CCNY: variants seen among roughly 807,000 people sequenced by gnomAD.
CCNY encodes the protein cyclin Y.
A neutral mutation model predicts 42.8 loss-of-function variants in CCNY; 19 were observed. The observed-to-expected ratio is 0.44, with a 90% CI of 0.31 to 0.65. The LOEUF (loss-of-function observed/expected upper bound fraction) is 0.65, where lower values mean the gene tolerates loss of function less well. CCNY is among the 30% of genes least tolerant of loss of function. The pLI is 0.07. For synonymous variants in CCNY, 165 were observed against 162.7 expected, an observed-to-expected ratio of 1.01 and a Z score of -0.11; for missense variants, 370 against 437.3, an observed-to-expected ratio of 0.85 and a Z score of 1.37.
intron 1 of CCNY, among the ~76,000 whole-genome samples, chr10:35,353,930 A>G (rs1328345058): frequency 6.6e-6 from 1 of 152,334 alleles, no homozygotes; most frequent in Non-Finnish European, 1.5e-5. Context: ...CCTCTGGCTC[A>G]GGGTGTCTCC....
At chr10:35,396,391 G>A (rs1252792291) in intron 1 of CCNY, among the ~76,000 whole-genome samples, 1 of 152,184 alleles carries the variant, frequency 6.6e-6, no homozygotes, top group African/African-American at 2.4e-5. Flanking sequence ...TGAGTTGTAA[G>A]AGGCAGGTGC....
At chr10:35,539,515 G>T (rs946975645) in intron 7 of CCNY, among the ~76,000 whole-genome samples, 1 of 152,184 alleles carries the variant, frequency 6.6e-6, no homozygotes, top group African/African-American at 2.4e-5. Context: ...GGGGCAGGGT[G>T]CAGTGGCTCA....
At chr10:35,392,803 T>C (rs962030675) in intron 1 of CCNY, among the ~76,000 whole-genome samples, 2 of 152,174 alleles carry the variant, frequency 1.3e-5, no homozygotes, top group Non-Finnish European at 2.9e-5. Context: ...AGGAGGACTT[T>C]AGTTGTGGCC....
At chr10:35,552,082 C>T (rs538798641) in intron 7 of CCNY, among the ~76,000 whole-genome samples, 120 of 152,162 alleles carry the variant, frequency 7.9e-4, no homozygotes, top group South Asian at 6.6e-3. Context: ...GTGTTCATAG[C>T]TGCATTGTTC....
intron 3 of CCNY, chr10:35,327,658 C>T (rs1835895713): frequency 6.6e-6 from 1 of 152,202 alleles, no homozygotes; most frequent in Non-Finnish European, 1.5e-5. Flanking sequence ...AACCTAAATC[C>T]TGTTCCTCTC....
chr10:35,405,575 A>G (rs953133830), intron 1 of CCNY, among the ~76,000 whole-genome samples: 3 of 152,180 alleles, frequency 2.0e-5, no homozygotes, highest in African/African-American at 7.2e-5. Context: ...GGGAGTTTTA[A>G]GGGGTTTAGA....
intron 1 of CCNY, among the ~76,000 whole-genome samples, chr10:35,423,565 G>A (rs924947927): frequency 6.6e-6 from 1 of 151,814 alleles, no homozygotes; most frequent in Non-Finnish European, 1.5e-5. Flanking sequence ...TAAGCAGCAG[G>A]TTATTTTGGT....
At chr10:35,446,298 G>A (rs1357842362) in intron 1 of CCNY, among the ~76,000 whole-genome samples, 1 of 152,202 alleles carries the variant, frequency 6.6e-6, no homozygotes, top group Non-Finnish European at 1.5e-5. Flanking sequence ...ACAGGTCAGT[G>A]AGGTTCAAAA....
chr10:35,507,973 G>C (rs1296985767), intron 3 of CCNY, among the ~76,000 whole-genome samples: 2 of 151,968 alleles, frequency 1.3e-5, no homozygotes, highest in African/African-American at 4.8e-5. Context: ...TTTGATTACC[G>C]GGCAAGGTGC....
At chr10:35,564,878 A>G (rs1841537427) in intron 8 of CCNY, among the ~76,000 whole-genome samples, 1 of 152,226 alleles carries the variant, frequency 6.6e-6, no homozygotes, top group East Asian at 1.9e-4. Flanking sequence ...CAGATGTTGC[A>G]CTTCCTGACT....
intron 1 of CCNY, among the ~76,000 whole-genome samples, chr10:35,401,568 A>AT (rs540638740): frequency 1.3e-3 from 183 of 137,718 alleles, no homozygotes; most frequent in Middle Eastern, 3.8e-3. Context: ...CTCCCTCTGA[A>AT]TTTTTTTTTT....
chr10:35,481,746 A>G (rs1379742810), intron 1 of CCNY, among the ~76,000 whole-genome samples: 1 of 152,168 alleles, frequency 6.6e-6, no homozygotes, highest in Non-Finnish European at 1.5e-5. Context: ...ATTTGCCCTC[A>G]TTTTGATATG....
In CCNY at chr10:35,517,714, C is replaced by G. The variant is rs1840458722; in HGVS notation, c.365+1091C>G. The stretch of plus-strand genomic sequence containing the variant: ...ATCTAAGTGGCAATGCAGCCTCTTC[C>G]TTACTTCCTCAGCACCGGAGTGCAC... On this transcript the variant is annotated intron_variant, in intron 4 of 9. Coordinates refer to ENST00000374704, the MANE Select transcript of CCNY (RefSeq NM_145012.6). 2.0e-5 allele frequency among the ~76,000 whole-genome samples: 3 copies of G among 152,178 alleles called. No homozygotes were observed. The South Asian group carries it at 6.2e-4, about 32-fold the overall frequency.
chr10:35,565,243 A>T (rs938306708), intron 8 of CCNY, among the ~76,000 whole-genome samples: 24 of 152,110 alleles, frequency 1.6e-4, no homozygotes, highest in African/African-American at 4.8e-5. Context: ...TCCTCTCCCA[A>T]CCTACCTTTT....
intron 2 of CCNY, among the ~76,000 whole-genome samples, chr10:35,499,618 C>T (rs1840070808): frequency 1.3e-5 from 2 of 152,184 alleles, no homozygotes. Context: ...TTTTTTGAGG[C>T]ATGGATATCT....
At chr10:35,449,688 G>GAGGT (rs1396154916) in intron 1 of CCNY, 16 of 923,602 alleles carry the variant, frequency 1.7e-5, no homozygotes, top group Non-Finnish European at 1.8e-5. Context: ...CGGCCCCAGG[G>GAGGT]AGGTACCTTT....
At chr10:35,505,353 G>A (rs905805709) in intron 3 of CCNY, among the ~76,000 whole-genome samples, 3 of 151,772 alleles carry the variant, frequency 2.0e-5, no homozygotes, top group African/African-American at 7.3e-5. Flanking sequence ...TGCCATAGGT[G>A]CACTTTGAAA....
intron 3 of CCNY, among the ~76,000 whole-genome samples, chr10:35,330,920 C>T (rs1023451199): frequency 2.6e-5 from 4 of 152,126 alleles, no homozygotes; most frequent in African/African-American, 9.7e-5. Context: ...CGGCCATGCC[C>T]GGCTAATTTT....
Position 35,401,325 on chromosome 10 carries a change from G to C in CCNY, c.154+64118G>C, listed in dbSNP as rs539841974. Among the ~76,000 whole-genome samples the C allele has an allele frequency of 2.0e-5, 3 of 152,342 alleles. No homozygotes were observed. In the East Asian group the frequency reaches 5.8e-4, roughly 29 times the overall value. ...AGGTGTGCTCTTTTGTGATAGTGCT[G>C]TCTGTCTGTCTGGTTAAATCAGCAT... On this transcript the variant is annotated intron_variant, in intron 1 of 9. Coordinates refer to ENST00000374704, the MANE Select transcript of CCNY (RefSeq NM_145012.6).
Sources: gnomAD v4.1 joint callset for allele counts (sites outside exome capture counted in the v4.1 genomes callset) on GRCh38, gnomAD v4.1.1 for gene constraint, MANE v1.5 for transcripts, NCBI Gene and HGNC (gene_info 2026-07-23, HGNC 2026-07-21) for gene names.